Variants in RHCE observed in about 807,000 individuals in gnomAD.
RHCE encodes the protein Rh blood group CcEe antigens, also known as blood group Rh(CE) polypeptide.
In RHCE, 22 loss-of-function variants were observed where a neutral mutation model predicts 43.8. The ratio of observed to expected loss-of-function variants is 0.50; its 90% CI spans 0.36 to 0.72. RHCE has a LOEUF of 0.72. Among genes scored for constraint, RHCE ranks in the 30% least tolerant of loss-of-function variants. The pLI, the probability that RHCE is intolerant of heterozygous loss-of-function variation, is 0.00. For missense variants in RHCE, 385 were observed against 525.4 expected (o/e 0.73, Z 2.61); for synonymous variants, 156 against 210.7 (o/e 0.74, Z 2.25).
chr1:25,384,688 G>A (rs201433752), intron 7 of RHCE, among the ~76,000 whole-genome samples: 126 of 152,206 alleles, frequency 8.3e-4, no homozygotes, highest in African/African-American at 2.9e-3. Context: ...TCCAAGAACC[G>A]GAAGGAACCC....
intron 1 of RHCE, among the ~76,000 whole-genome samples, chr1:25,415,876 C>A (rs1204187148): frequency 7.9e-5 from 12 of 151,960 alleles, no homozygotes; most frequent in Middle Eastern, 3.4e-3. Context: ...AAGAATCACC[C>A]AGAGGGCTTG....
At chr1:25,405,866 T>C (rs1162192005) in intron 2 of RHCE, among the ~76,000 whole-genome samples, 1 of 120,134 alleles carries the variant, frequency 8.3e-6, no homozygotes, top group African/African-American at 2.6e-5. Flanking sequence ...CAAGGGAGAG[T>C]ACCCCGTCCC....
rs1161185933 is a variant in RHCE at position 25,409,596 on chromosome 1, G to C, written c.149-727C>G. Among the ~76,000 whole-genome samples, 31 of 123,754 alleles carry C rather than the reference G, an allele frequency of 2.5e-4. 1 individual carries two copies. The highest frequency in any genetic ancestry group is 7.0e-4 in the African/African-American group (28 of 40,006). The allele number at this position is 123,754 out of a possible 152,430, so 81.2% of individuals were successfully genotyped here. On this transcript the variant is annotated intron_variant, in intron 1 of 9. Coordinates refer to ENST00000294413, the MANE Select transcript of RHCE (RefSeq NM_020485.8). ...AGCACTTTGGTTTAATTCCAGTTTT[G>C]AAAAAGGGTTAGCAGCTTGAGCTCC...
chr1:25,416,820 G>GGGT (rs1553161329), intron 1 of RHCE, among the ~76,000 whole-genome samples: 1 of 27,644 alleles, frequency 3.6e-5, no homozygotes, highest in African/African-American at 3.6e-4. Flanking sequence ...TAGAGATGGC[G>GGGT]GGGGGGGGTC....
At position 25,379,450 on chromosome 1, in the gene RHCE, A is replaced by AGT. The variant is rs1323304546; in HGVS notation, c.1074-4024_1074-4023dup. Among the ~76,000 whole-genome samples the AGT allele has an allele frequency of 3.6e-3, 265 of 73,298 alleles. 1 individual carries two copies. Among genetic ancestry groups the AGT allele is most frequent in the African/African-American group, 0.01 (225 of 21,768 alleles). 48.1% of individuals were successfully genotyped at this position (73,298 alleles called of 152,430 possible). On this transcript the variant is annotated intron_variant, in intron 7 of 9. Coordinates refer to ENST00000294413, the MANE Select transcript of RHCE (RefSeq NM_020485.8). Reference sequence around the variant, plus strand: ...GCAAAATTCATCCCAATAGCACCAAAGTATATATATATATATATATATATA... The same window carrying AGT: ...GCAAAATTCATCCCAATAGCACCAAAGTGTATATATATATATATATATATATA...
At chr1:25,422,286 G>A (rs183405089), upstream of RHCE, among the ~76,000 whole-genome samples, 153 of 152,276 alleles carry the variant, frequency 1.0e-3, no homozygotes, top group African/African-American at 3.4e-3. Context: ...ACATATGCAG[G>A]AAAAGCAAGA....
At chr1:25,371,331 T>C (rs1291707401) in intron 8 of RHCE, among the ~76,000 whole-genome samples, 1 of 151,484 alleles carries the variant, frequency 6.6e-6, no homozygotes, top group East Asian at 1.9e-4. Context: ...CTTGCTTAAG[T>C]GCCTGTCCTT....
chr1:25,406,243 G>A lies in RHCE; in HGVS notation c.335+2440C>T, dbSNP rs540975862. ...AGTGTGTGTATGCGGGCGTGCGTGC[G>A]TGCGTGCGTGTGTGTGTGTGTGTGT... On this transcript the variant is annotated intron_variant, in intron 2 of 9. Coordinates refer to ENST00000294413, the MANE Select transcript of RHCE (RefSeq NM_020485.8). Among the ~76,000 whole-genome samples the A allele has an allele frequency of 3.0e-4, 26 of 87,444 alleles. 2 individuals carry two copies. Among genetic ancestry groups the A allele is most frequent in the African/African-American group, 1.5e-3 (24 of 16,166 alleles). 57.4% of individuals were successfully genotyped at this position (87,444 alleles called of 152,430 possible).
intron 4 of RHCE, among the ~76,000 whole-genome samples, chr1:25,391,337 A>G (rs1332168555): frequency 6.6e-6 from 1 of 151,940 alleles, no homozygotes; most frequent in Admixed American, 6.6e-5. Context: ...GGCGTGCACC[A>G]CCATGCCCAG....
chr1:25,411,412 G>A, intron 1 of RHCE: 1 of 1,550,262 alleles, frequency 6.5e-7, no homozygotes, highest in South Asian at 1.2e-5. Flanking sequence ...CAAAGTCTCA[G>A]AAAAAGTCTT....
At chr1:25,399,663 T>C (rs1316068113) in intron 3 of RHCE, among the ~76,000 whole-genome samples, 1 of 152,176 alleles carries the variant, frequency 6.6e-6, no homozygotes, top group Non-Finnish European at 1.5e-5. Flanking sequence ...CTCTAGTCGG[T>C]AGATACCACC....
At chr1:25,371,532 A>G (rs1259697792) in intron 8 of RHCE, among the ~76,000 whole-genome samples, 2 of 151,060 alleles carry the variant, frequency 1.3e-5, no homozygotes, top group East Asian at 3.9e-4. Flanking sequence ...TACCATACCC[A>G]GCTCATTTTT....
At chr1:25,416,543 G>C (rs556432552) in intron 1 of RHCE, among the ~76,000 whole-genome samples, 2 of 152,100 alleles carry the variant, frequency 1.3e-5, no homozygotes, top group Admixed American at 1.3e-4. Context: ...GATTACAGGC[G>C]TGAGCCACCG....
intron 1 of RHCE, chr1:25,411,376 G>C: frequency 6.4e-7 from 1 of 1,550,562 alleles, no homozygotes; most frequent in Middle Eastern, 1.7e-4. Context: ...TGATAACAAT[G>C]AGAAGCTCTC....
intron 6 of RHCE, among the ~76,000 whole-genome samples, chr1:25,388,729 C>G (rs1646261115): frequency 6.6e-6 from 1 of 152,228 alleles, no homozygotes; most frequent in South Asian, 2.1e-4. Context: ...CTGTGACACC[C>G]CTGTAGCCTG....
At chr1:25,425,717 C>T (rs745452906), upstream of RHCE, among the ~76,000 whole-genome samples, 10 of 152,216 alleles carry the variant, frequency 6.6e-5, no homozygotes, top group African/African-American at 1.2e-4. Flanking sequence ...AGGGAGCCCA[C>T]AGCTTTCACG....
Position 25,390,822 on chromosome 1 carries a change from T to C in RHCE, c.728A>G (p.Tyr243Cys), listed in dbSNP as rs555090649. 4 of 1,614,186 alleles carry C rather than the reference T, an allele frequency of 2.5e-6. No homozygotes were observed. Among genetic ancestry groups the C allele is most frequent in the African/African-American group, 1.3e-5 (1 of 75,056 alleles). The change falls in exon 5 of 10, where the codon TAT becomes TGT. Residue 243 changes from tyrosine to cysteine, a missense_variant. Physicochemically the swap from Tyr to Cys is radical, Grantham distance 194. Coordinates refer to ENST00000294413, the MANE Select transcript of RHCE (RefSeq NM_020485.8). ...QRKNAMFNTY[Y>C]ALAVSVVTAI... Reference sequence around the variant, plus strand: ...TGTCACCACACTGACTGCTAGAGCATAGTAGGTGTTGAACATGGCATTCTT... The same window carrying C: ...TGTCACCACACTGACTGCTAGAGCACAGTAGGTGTTGAACATGGCATTCTT...
At chr1:25,376,665 C>T (rs644592) in intron 7 of RHCE, among the ~76,000 whole-genome samples, 19,072 of 152,044 alleles carry the variant, frequency 0.13, 1,541 homozygotes, top group East Asian at 0.24. Context: ...CTGTAATCCC[C>T]GCACTTTGGG....
chr1:25,429,458 TG>T (rs2042832908), intron 1 of RHCE, among the ~76,000 whole-genome samples: 3 of 152,144 alleles, frequency 2.0e-5, no homozygotes, highest in Admixed American at 1.3e-4. Flanking sequence ...CAGCCCTTCC[TG>T]GGAAGTTTTA....
Sources: allele counts gnomAD v4.1 joint callset (sites outside exome capture counted in the v4.1 genomes callset), GRCh38; gene constraint gnomAD v4.1.1; transcripts MANE v1.5; gene names NCBI Gene and HGNC (gene_info 2026-07-23, HGNC 2026-07-21).